The following CMTM7 variants were observed in gnomAD, a reference collection of about 807,000 sequenced individuals.
CMTM7 encodes CKLF-like MARVEL transmembrane domain-containing protein 7.
CMTM7 carries 7 observed loss-of-function variants against 19.3 expected under a neutral mutation model. The ratio of observed to expected loss-of-function variants is 0.36; its 90% CI spans 0.21 to 0.68. The LOEUF is 0.68. Among genes scored for constraint, CMTM7 ranks in the 30% least tolerant of loss-of-function variants. CMTM7 has a pLI of 0.60. For synonymous variants in CMTM7, 87 were observed against 99.3 expected (o/e 0.88, Z 0.74); for missense variants, 193 against 232.6 (o/e 0.83, Z 1.11).
intron 1 of CMTM7, among the ~76,000 whole-genome samples, chr3:32,417,583 T>G (rs1696286230): frequency 6.6e-6 from 1 of 152,228 alleles, no homozygotes. Context: ...AATACCTATC[T>G]GTAGTTTTGT....
intron 2 of CMTM7, among the ~76,000 whole-genome samples, chr3:32,442,936 C>T (rs1696703092): frequency 6.6e-6 from 1 of 152,150 alleles, no homozygotes; most frequent in South Asian, 2.1e-4. Flanking sequence ...TACCACTCAT[C>T]CCTCCAGTCC....
At chr3:32,437,630 C>T (rs1421697366) in intron 1 of CMTM7, among the ~76,000 whole-genome samples, 1 of 151,938 alleles carries the variant, frequency 6.6e-6, no homozygotes, top group Non-Finnish European at 1.5e-5. Context: ...CGGTGGCTCA[C>T]GCCTGTACTC....
At chr3:32,402,273 A>T (rs1181734498) in intron 1 of CMTM7, among the ~76,000 whole-genome samples, 1 of 151,812 alleles carries the variant, frequency 6.6e-6, no homozygotes, top group East Asian at 2.0e-4. Flanking sequence ...CACCACGCCC[A>T]GCTAATTTTT....
intron 1 of CMTM7, among the ~76,000 whole-genome samples, chr3:32,438,278 C>T (rs2125638220): frequency 6.6e-6 from 1 of 152,248 alleles, no homozygotes; most frequent in South Asian, 2.1e-4. Flanking sequence ...TTCACCTTTG[C>T]TTTCTTTTTT....
intron 1 of CMTM7, among the ~76,000 whole-genome samples, chr3:32,423,355 A>G (rs77571871): frequency 0.016 from 2,426 of 152,330 alleles, 75 homozygotes; most frequent in African/African-American, 0.055. Flanking sequence ...AAAAATCAAT[A>G]TGTAGATATA....
At chr3:32,398,528 A>G (rs1290451440) in intron 1 of CMTM7, among the ~76,000 whole-genome samples, 1 of 152,118 alleles carries the variant, frequency 6.6e-6, no homozygotes, top group Non-Finnish European at 1.5e-5. Flanking sequence ...ATTAATCAAA[A>G]TGGTTATGAA....
intron 1 of CMTM7, among the ~76,000 whole-genome samples, chr3:32,432,503 C>T (rs1047242867): frequency 2.0e-5 from 3 of 152,142 alleles, no homozygotes; most frequent in Non-Finnish European, 2.9e-5. Flanking sequence ...CTCTATGGTG[C>T]GGGACATCAT....
At chr3:32,430,050 C>T (rs1696492202) in intron 1 of CMTM7, among the ~76,000 whole-genome samples, 1 of 152,156 alleles carries the variant, frequency 6.6e-6, no homozygotes. Flanking sequence ...GTTCCACTGC[C>T]ATGTTATTGT....
intron 1 of CMTM7, among the ~76,000 whole-genome samples, chr3:32,413,867 G>A (rs916089078): frequency 5.9e-5 from 9 of 152,058 alleles, no homozygotes; most frequent in Admixed American, 1.3e-4. Context: ...TTCATCCGCC[G>A]CAGGTTCCAA....
chr3:32,442,339 A>C (rs1019691787), intron 2 of CMTM7, among the ~76,000 whole-genome samples: 2 of 151,756 alleles, frequency 1.3e-5, no homozygotes, highest in African/African-American at 4.8e-5. Context: ...TCTACTAAAA[A>C]ATACAAAAAA....
At chr3:32,453,281 A>G (rs1354497629) in intron 4 of CMTM7, among the ~76,000 whole-genome samples, 1 of 152,124 alleles carries the variant, frequency 6.6e-6, no homozygotes, top group Non-Finnish European at 1.5e-5. Flanking sequence ...TCTCTTAAAA[A>G]ATAAAATAAA....
intron 1 of CMTM7, 78 bp downstream of exon 1, chr3:32,392,143 G>A (rs1200712965): frequency 6.3e-6 from 7 of 1,119,822 alleles, no homozygotes; most frequent in South Asian, 9.0e-5. Context: ...GGACGCGCCG[G>A]GCGTCTGGAC....
At chr3:32,424,455 CAT>C (rs1338215717) in intron 1 of CMTM7, among the ~76,000 whole-genome samples, 11 of 152,134 alleles carry the variant, frequency 7.2e-5, no homozygotes, top group African/African-American at 2.7e-4. Context: ...TCTGCAAGAG[CAT>C]ATGAGACTAG....
intron 1 of CMTM7, among the ~76,000 whole-genome samples, chr3:32,431,022 A>G (rs1295382953): frequency 2.6e-5 from 4 of 152,250 alleles, no homozygotes; most frequent in Non-Finnish European, 5.9e-5. Flanking sequence ...GGCATGGGAA[A>G]ACAACAGTGA....
chr3:32,428,556 G>C (rs6786831), intron 1 of CMTM7, among the ~76,000 whole-genome samples: 1 of 152,174 alleles, frequency 6.6e-6, no homozygotes, highest in Admixed American at 6.5e-5. Flanking sequence ...TTGTGGGGCG[G>C]CTTCCCTGTT....
At chr3:32,453,862 T>C (rs1696870581) in intron 4 of CMTM7, among the ~76,000 whole-genome samples, 1 of 152,188 alleles carries the variant, frequency 6.6e-6, no homozygotes, top group African/African-American at 2.4e-5. Flanking sequence ...AGAATGATTT[T>C]TAAACGTAGA....
At chr3:32,394,849 C>T (rs1695891730) in intron 1 of CMTM7, among the ~76,000 whole-genome samples, 1 of 151,978 alleles carries the variant, frequency 6.6e-6, no homozygotes. Context: ...GCACGTGCCA[C>T]CACACCCAGC....
At position 32,453,805 on chromosome 3, in the gene CMTM7, G is replaced by A. The variant is rs370601114; in HGVS notation, c.515-436G>A. Among the ~76,000 whole-genome samples the A allele has an allele frequency of 3.2e-4, 49 of 152,236 alleles. No homozygotes were observed. In the Middle Eastern group the frequency reaches 0.014, roughly 42 times the overall value. On this transcript the variant is annotated intron_variant, in intron 4 of 4. Coordinates refer to ENST00000334983, the MANE Select transcript of CMTM7 (RefSeq NM_138410.4). ...ACACTTTAGATGGGAGAATTGTATGGTATGTGAATTATTAAAATATCCCAG... is the reference window on the plus strand; with the variant it reads ...ACACTTTAGATGGGAGAATTGTATGATATGTGAATTATTAAAATATCCCAG...
At chr3:32,416,590 C>T (rs988278292) in intron 1 of CMTM7, among the ~76,000 whole-genome samples, 2 of 151,406 alleles carry the variant, frequency 1.3e-5, no homozygotes, top group African/African-American at 4.9e-5. Context: ...CGGGGTTTCG[C>T]CTTGTTAGCC....
Sources: allele counts gnomAD v4.1 joint callset (sites outside exome capture counted in the v4.1 genomes callset), GRCh38; gene constraint gnomAD v4.1.1; transcripts MANE v1.5; gene names NCBI Gene and HGNC (gene_info 2026-07-23, HGNC 2026-07-21).